SLC22A4: variants seen among roughly 807,000 people sequenced by gnomAD.
The protein encoded by SLC22A4 is ET transporter.
A neutral mutation model predicts 56.6 loss-of-function variants in SLC22A4; 39 were observed. The ratio of observed to expected loss-of-function variants is 0.69; its 90% confidence interval spans 0.53 to 0.90. SLC22A4 has a LOEUF of 0.90. Among genes scored for constraint, SLC22A4 ranks in the 40% least tolerant of loss-of-function variants. The probability of loss-of-function intolerance (pLI) is 0.00; values close to 1 mark genes in which losing one functional copy is unlikely to be tolerated. For synonymous variants in SLC22A4, 241 were observed against 281.4 expected (o/e 0.86, Z 1.44); for missense variants, 594 against 696.5 (o/e 0.85, Z 1.66).
Position 132,294,630 on chromosome 5 carries a change from A to G in SLC22A4, c.14A>G (p.Asp5Gly). Reference sequence around the variant, plus strand: ...GCAGTGGGAAGCATGCGGGACTACGACGAGGTGATCGCCTTCCTGGGCGAG... The same window carrying G: ...GCAGTGGGAAGCATGCGGGACTACGGCGAGGTGATCGCCTTCCTGGGCGAG... MRDY[D>G]EVIAFLGEWG... The change falls in exon 1 of 10, where the codon GAC (aspartate) becomes GGC (glycine). Residue 5 changes from aspartate to glycine, a missense_variant. Physicochemically the swap from Asp to Gly is moderately conservative, Grantham distance 94. Coordinates refer to ENST00000200652, the MANE Select transcript of SLC22A4 (RefSeq NM_003059.3). This position sits in a 1 kb window ranked among gnomAD's most constrained non-coding sequence, Gnocchi z 5.6. The G allele has an allele frequency of 1.2e-6, 2 of 1,614,142 alleles. No individual in the cohort carries two copies. The highest frequency in any genetic ancestry group is 1.7e-6 in the Non-Finnish European group (2 of 1,180,020).
rs1204553744 is a variant in SLC22A4 at position 132,328,836 on chromosome 5, T to TAC, written c.951+1434_951+1435insCA. Among the ~76,000 whole-genome samples the TAC allele has an allele frequency of 7.8e-4, 109 of 139,070 alleles. 1 individual carries two copies. Among genetic ancestry groups the TAC allele is most frequent in the Admixed American group, 1.3e-3 (19 of 14,088 alleles). The allele number at this position is 139,070 out of a possible 152,430, so 91.2% of individuals were successfully genotyped here. A position where few individuals can be genotyped will look rare whatever the true frequency, so the allele number is the denominator to read the frequency against. Reference sequence around the variant, plus strand: ...CTGGCAGTGCCTTTATATATATATATATACACACACACACACACACACACA... The same window carrying TAC: ...CTGGCAGTGCCTTTATATATATATATACATACACACACACACACACACACACA... On this transcript the variant is annotated intron_variant, in intron 5 of 9. Transcript: ENST00000200652.
intron 6 of SLC22A4, among the ~76,000 whole-genome samples, chr5:132,334,009 A>G (rs1216062384): frequency 1.3e-5 from 2 of 152,126 alleles, no homozygotes; most frequent in African/African-American, 4.8e-5. Flanking sequence ...GGGTTTCACC[A>G]TGTTGGCCAG....
chr5:132,340,069 T>G (rs904994606), intron 8 of SLC22A4, among the ~76,000 whole-genome samples: 519 of 19,714 alleles, frequency 0.026, 5 homozygotes, highest in African/African-American at 0.08. Context: ...AGTTGTTTTT[T>G]TTTTTTTTTT....
intron 6 of SLC22A4, among the ~76,000 whole-genome samples, chr5:132,333,813 T>A (rs1750935538): frequency 6.6e-6 from 1 of 152,134 alleles, no homozygotes; most frequent in Non-Finnish European, 1.5e-5. Flanking sequence ...TATTTATGTT[T>A]TTATTTTTTT....
chr5:132,297,243 G>A (rs1263495669), intron 1 of SLC22A4, among the ~76,000 whole-genome samples: 1 of 152,110 alleles, frequency 6.6e-6, no homozygotes, highest in Non-Finnish European at 1.5e-5. Flanking sequence ...ACTTCAACCT[G>A]GGAGGCGGAG....
At chr5:132,343,616 C>A in intron 9 of SLC22A4, 144 bp from the exon 10 acceptor site, 1 of 633,300 alleles carries the variant, frequency 1.6e-6, no homozygotes, top group Non-Finnish European at 2.8e-6. Context: ...AATATTAGAT[C>A]TACACCATGA....
At chr5:132,311,572 C>T in intron 1 of SLC22A4, 1 of 160,000 alleles carries the variant, frequency 6.3e-6, no homozygotes, top group South Asian at 1.8e-4. Flanking sequence ...GGCCCCAGAA[C>T]GATGGGGCCC....
At chr5:132,298,093 TTAAAAA>T (rs1749819810) in intron 1 of SLC22A4, among the ~76,000 whole-genome samples, 1 of 152,116 alleles carries the variant, frequency 6.6e-6, no homozygotes, top group Non-Finnish European at 1.5e-5. Context: ...CCTAAAAAAA[TTAAAAA>T]TAGAATCACC....
intron 1 of SLC22A4, among the ~76,000 whole-genome samples, chr5:132,306,700 C>T (rs1158287820): frequency 6.6e-6 from 1 of 151,824 alleles, no homozygotes; most frequent in African/African-American, 2.4e-5. Flanking sequence ...CCCGCCTCGG[C>T]CTCCCAAAGT....
chr5:132,297,461 C>T (rs907581062), intron 1 of SLC22A4, among the ~76,000 whole-genome samples: 18 of 152,178 alleles, frequency 1.2e-4, no homozygotes, highest in Non-Finnish European at 2.5e-4. Context: ...GTTCTGGAGT[C>T]AGACTCAGTA....
chr5:132,324,538 G>C, intron 4 of SLC22A4: 1 of 471,156 alleles, frequency 2.1e-6, no homozygotes, highest in Non-Finnish European at 4.4e-6. Context: ...GGCCAGCCTG[G>C]GACCAGCACT....
chr5:132,343,591 T>C (rs1751283584), intron 9 of SLC22A4, among the ~76,000 whole-genome samples, 169 bp from the exon 10 acceptor site: 1 of 149,116 alleles, frequency 6.7e-6, no homozygotes, highest in African/African-American at 2.5e-5. Flanking sequence ...TAGCCTCAGA[T>C]GTTTAAAAGC....
chr5:132,327,521 T>C, intron 5 of SLC22A4, 118 bp downstream of exon 5: 1 of 794,132 alleles, frequency 1.3e-6, no homozygotes. Flanking sequence ...CACTAGGCCT[T>C]AGGAACACAA....
chr5:132,337,441 AT>A (rs879612640), intron 8 of SLC22A4, among the ~76,000 whole-genome samples: 132 of 143,302 alleles, frequency 9.2e-4, no homozygotes, highest in Middle Eastern at 7.2e-3. Context: ...AGCCCAGCTA[AT>A]TTTTTTTTTT....
chr5:132,323,988 T>C (rs1384037638), intron 4 of SLC22A4, among the ~76,000 whole-genome samples: 1 of 152,074 alleles, frequency 6.6e-6, no homozygotes, highest in Non-Finnish European at 1.5e-5. Flanking sequence ...AGCCCAGCAG[T>C]TCAAAACCAG....
chr5:132,294,487 C>T lies in SLC22A4; in HGVS notation c.-130C>T. On this transcript the variant is annotated 5_prime_UTR_variant, in exon 1 of 10. Coordinates refer to ENST00000200652, the MANE Select transcript of SLC22A4 (RefSeq NM_003059.3). The surrounding 1 kb of genome is among the most constrained non-coding windows in gnomAD (Gnocchi z 5.6). ...AGGAACGGTCCCCGGCTTCGCGCCC[C>T]AATTTCTAACAGCCTGCCTGTCCCC... 1 of 1,346,240 alleles carries T rather than the reference C, an allele frequency of 7.4e-7. No homozygotes were observed. Among genetic ancestry groups the T allele is most frequent in the Non-Finnish European group, 1.0e-6 (1 of 968,894 alleles). The allele number at this position is 1,346,240 out of a possible 1,614,324, so 83.4% of individuals were successfully genotyped here.
intron 4 of SLC22A4, among the ~76,000 whole-genome samples, chr5:132,323,882 G>A (rs546420213): frequency 5.3e-5 from 8 of 152,304 alleles, no homozygotes; most frequent in East Asian, 3.9e-4. Flanking sequence ...TTTGACCTAA[G>A]AGACCAGTAC....
chr5:132,309,493 C>T lies in SLC22A4; in HGVS notation c.394-2668C>T, dbSNP rs1443365798. Among the ~76,000 whole-genome samples, 3 of 152,180 alleles carry T rather than the reference C, an allele frequency of 2.0e-5. No individual in the cohort carries two copies. The East Asian group carries it at 5.8e-4, about 29-fold the overall frequency. ...CCCCTCTTCAGGGAGGGAATGGGAC[C>T]GAAAGCCATCGATGCAGAGCCTACA... On this transcript the variant is annotated intron_variant, in intron 1 of 9. Coordinates refer to ENST00000200652, the MANE Select transcript of SLC22A4 (RefSeq NM_003059.3).
chr5:132,330,796 T>G (rs1750835333), intron 5 of SLC22A4, among the ~76,000 whole-genome samples: 1 of 152,128 alleles, frequency 6.6e-6, no homozygotes, highest in Non-Finnish European at 1.5e-5. Context: ...CAGTAAGGAT[T>G]TGTCACTGAC....
Sources: allele counts gnomAD v4.1 joint callset (sites outside exome capture counted in the v4.1 genomes callset), GRCh38; gene constraint gnomAD v4.1.1; non-coding constraint Gnocchi (gnomAD v3.1); transcripts MANE v1.5; gene names NCBI Gene and HGNC (gene_info 2026-07-23, HGNC 2026-07-21).